Variants in GRIK4 observed in about 807,000 individuals in gnomAD.
GRIK4 encodes the protein glutamate receptor ionotropic, kainate 4.
A neutral mutation model predicts 104.9 loss-of-function variants in GRIK4; 40 were observed. The observed-to-expected ratio is 0.38, with a 90% CI of 0.30 to 0.50. The LOEUF (loss-of-function observed/expected upper bound fraction) is 0.50, where lower values mean the gene tolerates loss of function less well. Among genes scored for constraint, GRIK4 ranks in the 20% least tolerant of loss-of-function variants. The pLI is 0.93. For missense variants in GRIK4, 1,047 were observed against 1,308.1 expected, an observed-to-expected ratio of 0.80 and a Z score of 3.08; for synonymous variants, 485 against 524.9, an observed-to-expected ratio of 0.92 and a Z score of 1.04.
At chr11:120,543,433 G>A (rs1275999478) in intron 1 of GRIK4, among the ~76,000 whole-genome samples, 2 of 151,988 alleles carry the variant, frequency 1.3e-5, no homozygotes, top group Admixed American at 6.6e-5. Context: ...AAAATTAGCC[G>A]GGGATGGTGG....
At chr11:120,820,885 T>C (rs1015115739) in intron 6 of GRIK4, among the ~76,000 whole-genome samples, 3 of 152,258 alleles carry the variant, frequency 2.0e-5, no homozygotes, top group Non-Finnish European at 4.4e-5. Flanking sequence ...GCCTGGCATG[T>C]GCTTTAATTC....
chr11:120,575,426 C>T (rs564418024), intron 1 of GRIK4, among the ~76,000 whole-genome samples: 3 of 152,238 alleles, frequency 2.0e-5, no homozygotes, highest in East Asian at 1.9e-4. Flanking sequence ...CTCTGGCGCA[C>T]GGGTCCTCTC....
At chr11:120,892,802 C>A (rs775385221) in intron 11 of GRIK4, among the ~76,000 whole-genome samples, 1 of 152,184 alleles carries the variant, frequency 6.6e-6, no homozygotes, top group African/African-American at 2.4e-5. Flanking sequence ...GCCACGGAAC[C>A]ATTCACTACA....
chr11:120,984,967 T>G (rs1944716131), intron 20 of GRIK4, among the ~76,000 whole-genome samples: 1 of 151,646 alleles, frequency 6.6e-6, no homozygotes, highest in South Asian at 2.1e-4. Context: ...TAGCTGAGAT[T>G]ACAGGCACAC....
At chr11:120,654,315 C>G (rs1287577675) in intron 2 of GRIK4, among the ~76,000 whole-genome samples, 1 of 152,164 alleles carries the variant, frequency 6.6e-6, no homozygotes, top group Non-Finnish European at 1.5e-5. Context: ...GCAATGCCAT[C>G]TTACAGGATG....
chr11:120,972,015 C>A (rs1220144200), intron 19 of GRIK4, among the ~76,000 whole-genome samples: 2 of 152,256 alleles, frequency 1.3e-5, no homozygotes, highest in Admixed American at 1.3e-4. Flanking sequence ...CCTACTTGTT[C>A]AGAATTTCCT....
intron 3 of GRIK4, among the ~76,000 whole-genome samples, chr11:120,691,389 G>A (rs902913947): frequency 2.6e-5 from 4 of 152,126 alleles, no homozygotes; most frequent in East Asian, 1.9e-4. Context: ...AAGACACTTC[G>A]ATGTGTGATT....
At chr11:120,519,797 A>G (rs965902577) in intron 1 of GRIK4, among the ~76,000 whole-genome samples, 2 of 150,844 alleles carry the variant, frequency 1.3e-5, no homozygotes, top group African/African-American at 4.9e-5. Flanking sequence ...TGGGTGCACA[A>G]GTGTATGTGA....
intron 6 of GRIK4, among the ~76,000 whole-genome samples, chr11:120,824,545 T>TTTA (rs199671000): frequency 8.0e-5 from 12 of 149,512 alleles, no homozygotes; most frequent in Admixed American, 2.0e-4. Flanking sequence ...TTCTTTTTTT[T>TTTA]TTCTTTTCTT....
Position 120,873,893 on chromosome 11 carries a change from G to A in GRIK4, c.907-173G>A, listed in dbSNP as rs762230443. On this transcript the variant is annotated intron_variant, in intron 9 of 20. Transcript: ENST00000527524. ...GGTGAACACCTGACTATTAGATGAA[G>A]TAGAGCTGGCCCAGAGACAGGACGT... 1.5e-4 allele frequency: 89 copies of A among 587,320 alleles called. 1 individual carries two copies. Among genetic ancestry groups the A allele is most frequent in the Middle Eastern group, 1.3e-3 (5 of 3,716 alleles). 36.4% of individuals were successfully genotyped at this position (587,320 alleles called of 1,614,324 possible).
At chr11:120,527,023 C>T (rs572747097) in intron 1 of GRIK4, among the ~76,000 whole-genome samples, 1 of 152,358 alleles carries the variant, frequency 6.6e-6, no homozygotes, top group Non-Finnish European at 1.5e-5. Flanking sequence ...CTCAACAACT[C>T]ACATTTTACA....
intron 1 of GRIK4, among the ~76,000 whole-genome samples, chr11:120,645,397 G>A (rs1364804929): frequency 1.3e-5 from 2 of 152,212 alleles, no homozygotes; most frequent in Admixed American, 6.5e-5. Context: ...CACATGCAAC[G>A]GTATGTGGAA....
At chr11:120,877,759 G>T (rs1954858271) in intron 11 of GRIK4, among the ~76,000 whole-genome samples, 1 of 152,166 alleles carries the variant, frequency 6.6e-6, no homozygotes, top group African/African-American at 2.4e-5. Flanking sequence ...GGGTGGAGAT[G>T]ATTACAGCGG....
chr11:120,822,874 A>G (rs1953162907), intron 6 of GRIK4, among the ~76,000 whole-genome samples: 2 of 152,216 alleles, frequency 1.3e-5, no homozygotes, highest in Non-Finnish European at 2.9e-5. Context: ...TTTCTTTCAA[A>G]TAAGTTTGAC....
intron 13 of GRIK4, among the ~76,000 whole-genome samples, chr11:120,926,761 C>T (rs189033956): frequency 6.6e-6 from 1 of 152,342 alleles, no homozygotes; most frequent in African/African-American, 2.4e-5. Flanking sequence ...GTTCTGGACA[C>T]TGGAGATGTA....
At chr11:120,760,453 C>A (rs1298938896) in intron 3 of GRIK4, among the ~76,000 whole-genome samples, 1 of 145,154 alleles carries the variant, frequency 6.9e-6, no homozygotes, top group East Asian at 2.0e-4. Context: ...ATATACTTTT[C>A]TTTTTTATTA....
chr11:120,841,437 G>A (rs1953713948), intron 8 of GRIK4, among the ~76,000 whole-genome samples: 1 of 152,146 alleles, frequency 6.6e-6, no homozygotes, highest in Non-Finnish European at 1.5e-5. Context: ...TGTCAGAATT[G>A]CCTGCCTTTT....
At chr11:120,764,340 T>G (rs1951796654) in intron 3 of GRIK4, among the ~76,000 whole-genome samples, 1 of 152,214 alleles carries the variant, frequency 6.6e-6, no homozygotes. Flanking sequence ...CGTGTGTCTT[T>G]GCATGTGAGA....
At chr11:120,946,401 C>T (rs1207109701) in intron 14 of GRIK4, among the ~76,000 whole-genome samples, 2 of 152,180 alleles carry the variant, frequency 1.3e-5, no homozygotes, top group Non-Finnish European at 2.9e-5. Context: ...TGGCGCATGC[C>T]TGTAATCCCA....
Sources: allele counts gnomAD v4.1 joint callset (sites outside exome capture counted in the v4.1 genomes callset), GRCh38; gene constraint gnomAD v4.1.1; transcripts MANE v1.5; gene names NCBI Gene and HGNC (gene_info 2026-07-23, HGNC 2026-07-21).